The following SERPINA9 variants were observed in gnomAD, a reference collection of about 807,000 sequenced individuals.
The protein encoded by SERPINA9 is serpin family A member 9.
SERPINA9 carries 32 observed loss-of-function variants against 24.5 expected under a neutral mutation model. The observed-to-expected ratio is 1.30, with a 90% confidence interval of 0.98 to 1.75. The LOEUF is 1.75. SERPINA9 is among the 40% of genes most tolerant of loss of function. The probability of loss-of-function intolerance (pLI) is 0.00; values close to 1 mark genes in which losing one functional copy is unlikely to be tolerated. For missense variants in SERPINA9, 594 were observed against 497.1 expected (o/e 1.19, Z -1.85); for synonymous variants, 233 against 197.7 (o/e 1.18, Z -1.50).
At chr14:94,475,148 C>A (rs1045022392) in intron 1 of SERPINA9, among the ~76,000 whole-genome samples, 1 of 152,158 alleles carries the variant, frequency 6.6e-6, no homozygotes, top group Non-Finnish European at 1.5e-5. Flanking sequence ...ATGTCCCAGC[C>A]CTGTGGCAAG....
chr14:94,470,251 C>T (rs1203413260), intron 1 of SERPINA9: 1 of 989,226 alleles, frequency 1.0e-6, no homozygotes, highest in Non-Finnish European at 1.2e-6. Flanking sequence ...GTTTCTCACC[C>T]TTTGGAGGTC....
Position 94,469,548 on chromosome 14 carries a change from A to G in SERPINA9, c.293T>C (p.Leu98Pro). The change falls in exon 2 of 5, where the codon CTG (leucine) becomes CCG (proline). Residue 98 changes from leucine (L) to proline (P), a missense_variant. Coordinates refer to ENST00000674397, the MANE Select transcript of SERPINA9 (RefSeq NM_175739.4). ...TGGTGTGTGTGTGAGGTTGAAGCCC[A>G]GGCCCTGGAGAATCTGGGTCTTGGT... is the stretch of plus-strand genomic sequence containing the variant. ...SVTKTQILQG[L>P]GFNLTHTPES... 1.2e-6 allele frequency: 2 copies of G among 1,614,158 alleles called. No homozygotes were observed. Among genetic ancestry groups the G allele is most frequent in the South Asian group, 1.1e-5 (1 of 91,070 alleles).
chr14:94,472,392 G>A (rs1021086469), intron 1 of SERPINA9, among the ~76,000 whole-genome samples: 1 of 152,038 alleles, frequency 6.6e-6, no homozygotes, highest in Admixed American at 6.6e-5. Context: ...GCCCTCCCTG[G>A]CTCCCCTCTC....
rs761176457 is a variant in SERPINA9 at position 94,469,639 on chromosome 14, T to C, written c.202A>G (p.Ile68Val). ...RLVLETPSQNIFFSPVSVSTS... is the reference protein window; with the variant it reads ...RLVLETPSQNVFFSPVSVSTS... ...GAGACACTCACAGGGGAGAAGAAGA[T>C]GTTCTGACTCGGGGTCTCCAAAACC... The change falls in exon 2 of 5, where the codon ATC becomes GTC. Residue 68 changes from isoleucine to valine, a missense_variant. Ile to Val is a conservative substitution (Grantham distance 29). Coordinates refer to ENST00000674397, the MANE Select transcript of SERPINA9 (RefSeq NM_175739.4). 1.2e-6 allele frequency: 2 copies of C among 1,613,858 alleles called. No homozygotes were observed. Among genetic ancestry groups the C allele is most frequent in the South Asian group, 1.1e-5 (1 of 91,068 alleles).
In SERPINA9 at chr14:94,464,270, C is replaced by CCT. The variant is rs71129684; in HGVS notation, c.1050+435_1050+436dup. 420 of 54,376 alleles carry CCT rather than the reference C, an allele frequency of 7.7e-3. 3 individuals carry two copies. The highest frequency in any genetic ancestry group is 0.014 in the South Asian group (15 of 1,054). The allele number at this position is 54,376 out of a possible 1,614,324, so 3.4% of individuals were successfully genotyped here. On this transcript the variant is annotated intron_variant, in intron 4 of 4. Transcript: ENST00000674397. ...ATCTAATATACTATGCTTTAAAACT[C>CCT]CTCTCTCTCTCTCTCTCTCTCTCTC... is the stretch of plus-strand genomic sequence containing the variant.
In SERPINA9 at chr14:94,469,280, A is replaced by T; in HGVS notation, c.561T>A (p.Val187=). 2 of 1,607,732 alleles carry T rather than the reference A, an allele frequency of 1.2e-6. No homozygotes were observed. Among genetic ancestry groups the T allele is most frequent in the Non-Finnish European group, 1.7e-6 (2 of 1,179,984 alleles). ...SHVKKKTQGK[V]VDIIQGLDLL... is the part of the protein sequence containing the mutation. ...GGTCAAGGCCTTGGATTATGTCTAC[A>T]ACCTTCCCTTGGGTCTTCTTTTTCA... Residue 187 remains valine, a synonymous_variant, in exon 2 of 5, where the codon GTT becomes GTA. Transcript: ENST00000674397.
Position 94,476,167 on chromosome 14 carries a change from T to C in SERPINA9, c.-49A>G. 1 of 1,614,216 alleles carries C rather than the reference T, an allele frequency of 6.2e-7. No individual in the cohort carries two copies. The highest frequency in any genetic ancestry group is 1.6e-4 in the Middle Eastern group (1 of 6,062). On this transcript the variant is annotated 5_prime_UTR_variant, in exon 1 of 5. Coordinates refer to ENST00000674397, the MANE Select transcript of SERPINA9 (RefSeq NM_175739.4). ...AGGTTCCTCTTCTCCTGCCCTGTCC[T>C]TGCATGGTTGGTGAGCCCTGACACT...
intron 4 of SERPINA9, 37 bp downstream of exon 4, chr14:94,464,670 G>T (rs752222675): frequency 6.4e-7 from 1 of 1,559,776 alleles, no homozygotes; most frequent in Non-Finnish European, 8.8e-7. Flanking sequence ...GGTGCTTCCA[G>T]CTTGGACTTT....
In SERPINA9 at chr14:94,469,318, T is replaced by G; in HGVS notation, c.523A>C (p.Ile175Leu). 6.2e-7 allele frequency: 1 copy of G among 1,614,202 alleles called. No homozygotes were observed. The stretch of plus-strand genomic sequence containing the variant: ...GTCTTCTTTTTCACATGGCTGTTGA[T>G]CCTCGCCTGGGCAATGGAGGGGTTG... ...FSNPSIAQAR[I>L]NSHVKKKTQG... is the part of the protein sequence containing the mutation. Residue 175 changes from isoleucine to leucine, a missense_variant, in exon 2 of 5, where the codon ATC (isoleucine) becomes CTC (leucine). By Grantham distance (5) the Ile-to-Leu change is conservative. Coordinates refer to ENST00000674397, the MANE Select transcript of SERPINA9 (RefSeq NM_175739.4).
intron 1 of SERPINA9, among the ~76,000 whole-genome samples, chr14:94,475,332 T>C (rs2139827259): frequency 6.6e-6 from 1 of 152,212 alleles, no homozygotes; most frequent in Non-Finnish European, 1.5e-5. Context: ...AGCTTCACCT[T>C]TTCCATGTCC....
intron 1 of SERPINA9, chr14:94,470,123 TG>T: frequency 9.6e-7 from 1 of 1,044,386 alleles, no homozygotes; most frequent in Non-Finnish European, 1.2e-6. Context: ...GTGTTCTGTG[TG>T]GGCTTCAAAG....
intron 4 of SERPINA9, 144 bp downstream of exon 4, chr14:94,464,563 G>A (rs116141730): frequency 3.2e-5 from 21 of 664,186 alleles, no homozygotes; most frequent in Middle Eastern, 4.0e-4. Flanking sequence ...GCCATAGGCC[G>A]CAAGATTCGG....
chr14:94,470,308 C>T (rs530316608), intron 1 of SERPINA9: 12 of 638,558 alleles, frequency 1.9e-5, no homozygotes, highest in Non-Finnish European at 2.3e-5. Flanking sequence ...ATTATTTTCT[C>T]ACCCTGGCTG....
At position 94,463,090 on chromosome 14, in the gene SERPINA9, C is replaced by A; in HGVS notation, c.*3G>T. The stretch of plus-strand genomic sequence containing the variant: ...TGCCATCAGTTAACAGGCCATTTCC[C>A]ACCTAGGATTTAGTGGGATTTTCCA... On this transcript the variant is annotated 3_prime_UTR_variant, in exon 5 of 5. Coordinates refer to ENST00000674397, the MANE Select transcript of SERPINA9 (RefSeq NM_175739.4). 1 of 1,610,978 alleles carries A rather than the reference C, an allele frequency of 6.2e-7. No individual in the cohort carries two copies. Among genetic ancestry groups the A allele is most frequent in the Non-Finnish European group, 8.5e-7 (1 of 1,177,098 alleles).
chr14:94,474,240 G>A (rs1003420658), intron 1 of SERPINA9, among the ~76,000 whole-genome samples: 6 of 152,180 alleles, frequency 3.9e-5, no homozygotes, highest in African/African-American at 1.2e-4. Flanking sequence ...CACTGACGCT[G>A]GGTTGTGCCT....
intron 1 of SERPINA9, among the ~76,000 whole-genome samples, chr14:94,470,500 T>C (rs906068032): frequency 8.5e-5 from 13 of 152,232 alleles, no homozygotes; most frequent in Non-Finnish European, 1.8e-4. Context: ...TCAGCTGACA[T>C]GGCTTTGGCC....
At chr14:94,475,494 T>C (rs2139828494) in intron 1 of SERPINA9, among the ~76,000 whole-genome samples, 1 of 151,644 alleles carries the variant, frequency 6.6e-6, no homozygotes. Flanking sequence ...CTATCTCACA[T>C]AAAAGAGAGA....
Position 94,462,792 on chromosome 14 carries a change from G to A in SERPINA9, c.*301C>T. On this transcript the variant is annotated 3_prime_UTR_variant, in exon 5 of 5. Transcript: ENST00000674397. ...ATTCTGCAATAGAGGTGCCTAACCT[G>A]GGTTGGCGTATTTCCATTCCTGGGA... 2 of 379,702 alleles carry A rather than the reference G, an allele frequency of 5.3e-6. No individual in the cohort carries two copies. Among genetic ancestry groups the A allele is most frequent in the Non-Finnish European group, 9.8e-6 (2 of 203,230 alleles). 23.5% of individuals were successfully genotyped at this position (379,702 alleles called of 1,614,324 possible). A position where few individuals can be genotyped will look rare whatever the true frequency, so the allele number is the denominator to read the frequency against.
At position 94,462,768 on chromosome 14, in the gene SERPINA9, T is replaced by A. The variant is rs965996488; in HGVS notation, c.*325A>T. 4.1e-5 allele frequency: 13 copies of A among 313,306 alleles called. No individual in the cohort carries two copies. Among genetic ancestry groups the A allele is most frequent in the African/African-American group, 2.8e-4 (13 of 47,092 alleles). The allele number at this position is 313,306 out of a possible 1,614,324, so 19.4% of individuals were successfully genotyped here. On this transcript the variant is annotated 3_prime_UTR_variant, in exon 5 of 5. Coordinates refer to ENST00000674397, the MANE Select transcript of SERPINA9 (RefSeq NM_175739.4). ...AGTTTTATTGAATGTGTTATTGTAATTCTGCAATAGAGGTGCCTAACCTGG... is the reference window on the plus strand; with the variant it reads ...AGTTTTATTGAATGTGTTATTGTAAATCTGCAATAGAGGTGCCTAACCTGG...
Sources: gnomAD v4.1 joint callset for allele counts (sites outside exome capture counted in the v4.1 genomes callset) on GRCh38, gnomAD v4.1.1 for gene constraint, MANE v1.5 for transcripts, NCBI Gene and HGNC (gene_info 2026-07-23, HGNC 2026-07-21) for gene names.